ABLIM1: variants seen among roughly 807,000 people sequenced by gnomAD.
The protein encoded by ABLIM1 is actin binding LIM protein 1.
ABLIM1 carries 40 observed loss-of-function variants against 107.0 expected under a neutral mutation model. The ratio of observed to expected loss-of-function variants is 0.37; its 90% CI spans 0.29 to 0.49. ABLIM1 has a LOEUF of 0.49. Ranked by LOEUF, ABLIM1 falls within the 20% of genes least tolerant of loss-of-function variation. The probability of loss-of-function intolerance (pLI) is 0.97; values close to 1 mark genes in which losing one functional copy is unlikely to be tolerated. For synonymous variants in ABLIM1, 357 were observed against 357.3 expected (o/e 1.00, Z 0.01); for missense variants, 857 against 1,008.5 (o/e 0.85, Z 2.04).
chr10:114,685,972 C>T (rs72831069), upstream of ABLIM1, among the ~76,000 whole-genome samples: 6,437 of 152,180 alleles, frequency 0.042, 176 homozygotes, highest in Non-Finnish European at 0.062. Flanking sequence ...AGAGAAGAAA[C>T]CAAGTACAGA....
intron 1 of ABLIM1, among the ~76,000 whole-genome samples, chr10:114,711,216 T>C (rs1002826940): frequency 9.9e-5 from 15 of 152,222 alleles, no homozygotes; most frequent in African/African-American, 3.1e-4. Context: ...CAGGCTCCCA[T>C]TAGAAATTGT....
chr10:114,437,133 C>T (rs968823907), intron 22 of ABLIM1, among the ~76,000 whole-genome samples: 3 of 151,976 alleles, frequency 2.0e-5, no homozygotes, highest in Non-Finnish European at 4.4e-5. Context: ...GAGCCTTTGC[C>T]GCTCCCACAG....
Position 114,707,950 on chromosome 10 carries a change from C to T in ABLIM1, c.-213+60111G>A, listed in dbSNP as rs1271805007. ...CAACAACAACAAAAAACCTAATTAC[C>T]AACAGTTTTCAATTTTGTACTAAGC... On this transcript the variant is annotated intron_variant, in intron 1 of 15. Coordinates refer to the ABLIM1 transcript ENST00000651092. This position sits in a 1 kb window ranked among gnomAD's most constrained non-coding sequence, Gnocchi z 4.1. 6.6e-6 allele frequency among the ~76,000 whole-genome samples: 1 copy of T among 151,988 alleles called. No individual in the cohort carries two copies. The highest frequency in any genetic ancestry group is 6.6e-5 in the Admixed American group (1 of 15,260).
intron 1 of ABLIM1, among the ~76,000 whole-genome samples, chr10:114,699,158 G>A (rs1023132657): frequency 4.0e-5 from 6 of 148,192 alleles, no homozygotes; most frequent in Non-Finnish European, 8.9e-5. Flanking sequence ...TTAAAAATCT[G>A]TATAAAAAAC....
At chr10:114,458,735 A>G (rs1473003092) in intron 12 of ABLIM1, among the ~76,000 whole-genome samples, 2 of 152,214 alleles carry the variant, frequency 1.3e-5, no homozygotes, top group East Asian at 3.8e-4. Context: ...AACTTAATAT[A>G]TGTAACCCTC....
At chr10:114,565,746 C>T (rs1412238143) in intron 4 of ABLIM1, among the ~76,000 whole-genome samples, 1 of 150,046 alleles carries the variant, frequency 6.7e-6, no homozygotes, top group African/African-American at 2.4e-5. Flanking sequence ...TGTCTGCCTC[C>T]CCTTTGGAAA....
chr10:114,605,815 G>A (rs2076372230), intron 1 of ABLIM1, among the ~76,000 whole-genome samples: 1 of 152,120 alleles, frequency 6.6e-6, no homozygotes, highest in African/African-American at 2.4e-5. Context: ...CAATTGCATT[G>A]CTTACTGAGG....
chr10:114,512,575 A>G (rs1222351688), intron 6 of ABLIM1, among the ~76,000 whole-genome samples: 1 of 135,140 alleles, frequency 7.4e-6, no homozygotes, highest in Non-Finnish European at 1.8e-5. Flanking sequence ...CTGTAATCCC[A>G]GCACTTTAGG....
chr10:114,659,321 C>T (rs912724232), upstream of ABLIM1, among the ~76,000 whole-genome samples: 12 of 148,548 alleles, frequency 8.1e-5, no homozygotes, highest in Non-Finnish European at 1.5e-4. Context: ...GCCCTGGCAA[C>T]ATAGCAAGAC....
At chr10:114,451,315 GA>G (rs891941832) in intron 14 of ABLIM1, among the ~76,000 whole-genome samples, 1 of 152,102 alleles carries the variant, frequency 6.6e-6, no homozygotes, top group African/African-American at 2.4e-5. Context: ...ATGGCAAAAA[GA>G]AAAAAGACTT....
At chr10:114,557,674 T>TTG (rs753603089) in intron 4 of ABLIM1, among the ~76,000 whole-genome samples, 5,618 of 85,216 alleles carry the variant, frequency 0.066, 524 homozygotes, top group African/African-American at 0.29. Flanking sequence ...GTGAGGTGTT[T>TTG]TTTTTTTTTT....
chr10:114,569,505 C>A (rs7915301), intron 4 of ABLIM1, among the ~76,000 whole-genome samples: 57,435 of 151,590 alleles, frequency 0.38, 14,726 homozygotes, highest in African/African-American at 0.73. Context: ...TTTTTAGTAG[C>A]GATGGGGTTT....
chr10:114,795,162 G>A, the ABLIM1 span, among the ~76,000 whole-genome samples: 1 of 152,130 alleles, frequency 6.6e-6, no homozygotes, highest in Non-Finnish European at 1.5e-5. Context: ...AACATTCTTT[G>A]ACCTAATAGT....
chr10:114,624,518 C>A (rs2077665588), intron 1 of ABLIM1, among the ~76,000 whole-genome samples: 1 of 152,206 alleles, frequency 6.6e-6, no homozygotes, highest in Non-Finnish European at 1.5e-5. Context: ...AGGCAAGAAG[C>A]AATACCACCT....
intron 17 of ABLIM1, 26 bp from the exon 18 acceptor site, chr10:114,441,812 A>G (rs1379404656): frequency 3.8e-6 from 6 of 1,593,288 alleles, no homozygotes; most frequent in Non-Finnish European, 5.2e-6. Context: ...GTAAAAAACC[A>G]ATTGTTAGGA....
chr10:114,751,090 A>G (rs2082500519), intron 1 of ABLIM1, among the ~76,000 whole-genome samples: 2 of 152,300 alleles, frequency 1.3e-5, no homozygotes, highest in Admixed American at 1.3e-4. Flanking sequence ...TTGGAATGTG[A>G]ATGAATACCC....
At chr10:114,784,665 CAAAAAAAAAA>C in the ABLIM1 span, among the ~76,000 whole-genome samples, 3 of 87,998 alleles carry the variant, frequency 3.4e-5, no homozygotes, top group Non-Finnish European at 4.3e-5. Flanking sequence ...AGACTCACCT[CAAAAAAAAAA>C]AAAAAAAAGA....
At chr10:114,547,590 C>A in intron 5 of ABLIM1, 60 bp downstream of exon 5, 1 of 1,601,942 alleles carries the variant, frequency 6.2e-7, no homozygotes, top group South Asian at 1.1e-5. Flanking sequence ...CCAGGACCTG[C>A]AGAAGAACCA....
intron 2 of ABLIM1, among the ~76,000 whole-genome samples, chr10:114,601,189 T>C (rs1256923759): frequency 6.6e-6 from 1 of 151,726 alleles, no homozygotes; most frequent in Non-Finnish European, 1.5e-5. Flanking sequence ...TACTTTGTAG[T>C]AGGAGTTCTT....
Sources: gnomAD v4.1 joint callset for allele counts (sites outside exome capture counted in the v4.1 genomes callset) on GRCh38, gnomAD v4.1.1 for gene constraint, Gnocchi (gnomAD v3.1) non-coding constraint, MANE v1.5 for transcripts, NCBI Gene and HGNC (gene_info 2026-07-23, HGNC 2026-07-21) for gene names.